The following PIGB variants were observed in gnomAD, a reference collection of about 807,000 sequenced individuals.
PIGB encodes GPI alpha-1,2-mannosyltransferase 3.
A neutral mutation model predicts 68.4 loss-of-function variants in PIGB; 58 were observed. That is an observed-to-expected ratio of 0.85 (90% CI 0.69 to 1.06). The LOEUF (loss-of-function observed/expected upper bound fraction) is 1.06, where lower values mean the gene tolerates loss of function less well. Ranked by LOEUF, PIGB falls within the 50% of genes least tolerant of loss-of-function variation. The pLI, the probability that PIGB is intolerant of heterozygous loss-of-function variation, is 0.00. For missense variants in PIGB, 634 were observed against 655.8 expected (o/e 0.97, Z 0.36); for synonymous variants, 219 against 220.5 (o/e 0.99, Z 0.06).
At chr15:55,335,008 C>T (rs959887410) in intron 6 of PIGB, among the ~76,000 whole-genome samples, 13 of 152,194 alleles carry the variant, frequency 8.5e-5, no homozygotes, top group African/African-American at 3.1e-4. Context: ...CATGGGCCAC[C>T]ATGCCCAGCC....
intron 10 of PIGB, among the ~76,000 whole-genome samples, chr15:55,353,999 A>AAAAATAAAAAAATAAAAAAT (rs568739073): frequency 1.4e-5 from 2 of 140,102 alleles, no homozygotes; most frequent in Admixed American, 7.0e-5. Context: ...CATCTTAAAT[A>AAAAATAAAAAAATAAAAAAT]AAAAAAAAAA....
chr15:55,330,518 TTTACAG>T (rs1039845655), intron 5 of PIGB, among the ~76,000 whole-genome samples: 5 of 149,290 alleles, frequency 3.3e-5, no homozygotes, highest in Admixed American at 6.6e-5. Context: ...ATGGGCTCCA[TTTACAG>T]TTACAGTTAC....
Position 55,320,313 on chromosome 15 carries a change from A to T in PIGB, c.202A>T (p.Ile68Leu), listed in dbSNP as rs17851556. 671 of 1,613,220 alleles carry T rather than the reference A, an allele frequency of 4.2e-4. 3 individuals carry two copies. The African/African-American group carries it at 7.7e-3, about 18-fold the overall frequency. ...GENIYLLLFTIALRILNCFLV... is the reference protein window; with the variant it reads ...GENIYLLLFTLALRILNCFLV... ...AAATATTTATCTGCTCTTGTTTACCATAGCTTTACGAATATTAAACTGCTT... is the reference window on the plus strand; with the variant it reads ...AAATATTTATCTGCTCTTGTTTACCTTAGCTTTACGAATATTAAACTGCTT... The change falls in exon 2 of 12, where the codon ATA (isoleucine) becomes TTA (leucine). Residue 68 changes from isoleucine (I) to leucine (L), a missense_variant. Coordinates refer to ENST00000164305, the MANE Select transcript of PIGB (RefSeq NM_004855.5).
At chr15:55,350,535 T>C (rs899706776) in intron 9 of PIGB, 164 bp from the exon 10 acceptor site, 28 of 613,374 alleles carry the variant, frequency 4.6e-5, no homozygotes, top group Admixed American at 3.4e-4. Flanking sequence ...TAGATGACAG[T>C]AGTGAATGGT....
In PIGB at chr15:55,320,012, CT is replaced by C. The variant is rs35663720; in HGVS notation, c.164-253del. On this transcript the variant is annotated intron_variant, in intron 1 of 11. Transcript: ENST00000164305. ...AGCCTAAGGCCTTAGTTAACCCACT[CT>C]TTTTTTTTTGTATTTATTTTAATAT... is the stretch of plus-strand genomic sequence containing the variant. 2,480 of 276,006 alleles carry C rather than the reference CT, an allele frequency of 9.0e-3. 4 individuals are homozygous for C. The highest frequency in any genetic ancestry group is 0.016 in the African/African-American group (718 of 45,496). 17.1% of individuals were successfully genotyped at this position (276,006 alleles called of 1,614,324 possible).
At chr15:55,330,518 T>C (rs546452941) in intron 5 of PIGB, among the ~76,000 whole-genome samples, 1 of 149,404 alleles carries the variant, frequency 6.7e-6, no homozygotes, top group Non-Finnish European at 1.5e-5. Flanking sequence ...ATGGGCTCCA[T>C]TTACAGTTAC....
chr15:55,343,029 C>T (rs997923084), intron 9 of PIGB: 8 of 151,594 alleles, frequency 5.3e-5, no homozygotes, highest in African/African-American at 1.9e-4. Context: ...TTATTTTTTA[C>T]TTAAAAAAAA....
At chr15:55,341,637 T>C (rs565550040) in intron 8 of PIGB, 101 bp from the exon 9 acceptor site, 5 of 390,910 alleles carry the variant, frequency 1.3e-5, no homozygotes, top group African/African-American at 8.5e-5. Flanking sequence ...AGAAAATAAA[T>C]AGATCAAGTT....
chr15:55,334,145 G>A (rs2055484446), intron 6 of PIGB, 138 bp downstream of exon 6: 1 of 504,078 alleles, frequency 2.0e-6, no homozygotes, highest in African/African-American at 2.0e-5. Flanking sequence ...ATAGAATAAT[G>A]CAAAACTTAT....
intron 9 of PIGB, among the ~76,000 whole-genome samples, chr15:55,347,979 G>GTTTCTTTT (rs2055835211): frequency 1.6e-5 from 2 of 126,328 alleles, no homozygotes; most frequent in Non-Finnish European, 3.3e-5. Context: ...TAGTGCCATA[G>GTTTCTTTT]TTTCTTTTTT....
In PIGB at chr15:55,355,507, A is replaced by G; in HGVS notation, c.*75A>G. On this transcript the variant is annotated 3_prime_UTR_variant, in exon 12 of 12. Transcript: ENST00000164305. ...TTAAATACTTCGGTAAACACTGGGTAAGATTCATGGAACTTAGAAAAAAGC... is the reference window on the plus strand; with the variant it reads ...TTAAATACTTCGGTAAACACTGGGTGAGATTCATGGAACTTAGAAAAAAGC... 6.6e-6 allele frequency: 8 copies of G among 1,218,214 alleles called. No homozygotes were observed. The highest frequency in any genetic ancestry group is 9.3e-6 in the Non-Finnish European group (8 of 864,508). The allele number at this position is 1,218,214 out of a possible 1,614,324, so 75.5% of individuals were successfully genotyped here.
chr15:55,329,887 A>T, intron 5 of PIGB, 33 bp downstream of exon 5: 1 of 1,472,042 alleles, frequency 6.8e-7, no homozygotes, highest in Non-Finnish European at 9.4e-7. Flanking sequence ...ATTATGTTCA[A>T]AATTCTACTT....
intron 10 of PIGB, chr15:55,354,590 A>ACTG (rs2056027532): frequency 2.0e-6 from 1 of 503,778 alleles, no homozygotes; most frequent in Non-Finnish European, 3.4e-6. Flanking sequence ...TATAGGTTAT[A>ACTG]CTGCTGCTGC....
intron 5 of PIGB, among the ~76,000 whole-genome samples, chr15:55,331,482 G>C (rs1421628694): frequency 2.0e-5 from 3 of 152,150 alleles, no homozygotes; most frequent in African/African-American, 7.2e-5. Flanking sequence ...GGGAGGCCGA[G>C]ACGGGTGGAT....
In PIGB at chr15:55,355,623, T is replaced by A; in HGVS notation, c.*191T>A. On this transcript the variant is annotated 3_prime_UTR_variant, in exon 12 of 12. Coordinates refer to ENST00000164305, the MANE Select transcript of PIGB (RefSeq NM_004855.5). ...TACATGTTAATACAATGCCAGATTT[T>A]AAATAAAGACCTTTAGTTTTCCTCA... 1 of 414,494 alleles carries A rather than the reference T, an allele frequency of 2.4e-6. No individual in the cohort carries two copies. The highest frequency in any genetic ancestry group is 3.8e-5 in the East Asian group (1 of 26,332). 25.7% of individuals were successfully genotyped at this position (414,494 alleles called of 1,614,324 possible).
rs371883593 is a variant in PIGB, at chr15:55,319,376, C to T, written c.126C>T (p.Tyr42=). 2 of 1,554,358 alleles carry T rather than the reference C, an allele frequency of 1.3e-6. No homozygotes were observed. The highest frequency in any genetic ancestry group is 1.7e-6 in the Non-Finnish European group (2 of 1,148,340). Residue 42 remains tyrosine, a synonymous_variant, in exon 1 of 12, where the codon TAC becomes TAT. Transcript: ENST00000164305. The part of the protein sequence containing the change: ...IKLRKRKSTL[Y]FNTQEKSARR... ...TGCGAAAGAGAAAGTCTACCTTGTA[C>T]TTCAACACCCAGGAGAAGAGCGCCA...
At chr15:55,326,385 A>C (rs922204962) in intron 3 of PIGB, among the ~76,000 whole-genome samples, 12 of 152,290 alleles carry the variant, frequency 7.9e-5, no homozygotes, top group African/African-American at 2.9e-4. Flanking sequence ...CTAGCTGTGC[A>C]GCCTTGGAAA....
At chr15:55,352,675 G>A (rs994675102) in intron 10 of PIGB, among the ~76,000 whole-genome samples, 1 of 152,122 alleles carries the variant, frequency 6.6e-6, no homozygotes, top group African/African-American at 2.4e-5. Flanking sequence ...TGTAGTCCTA[G>A]CTACTCGGGA....
intron 9 of PIGB, among the ~76,000 whole-genome samples, chr15:55,345,078 T>C (rs1256048861): frequency 2.6e-5 from 4 of 151,878 alleles, no homozygotes; most frequent in Non-Finnish European, 4.4e-5. Context: ...GTATTTTTAG[T>C]TGGGGCTTGA....
Sources: allele counts gnomAD v4.1 joint callset (sites outside exome capture counted in the v4.1 genomes callset), GRCh38; gene constraint gnomAD v4.1.1; transcripts MANE v1.5; gene names NCBI Gene and HGNC (gene_info 2026-07-23, HGNC 2026-07-21).